The following CA10 variants were observed in gnomAD, a reference collection of about 807,000 sequenced individuals.
CA10 encodes the protein carbonic anhydrase-related protein 10.
CA10 carries 14 observed loss-of-function variants against 44.2 expected under a neutral mutation model. The observed-to-expected ratio is 0.32, with a 90% CI of 0.21 to 0.50. The LOEUF (loss-of-function observed/expected upper bound fraction) is 0.50, where lower values mean the gene tolerates loss of function less well. CA10 is among the 20% of genes least tolerant of loss of function. The pLI, the probability that CA10 is intolerant of heterozygous loss-of-function variation, is 0.99. For synonymous variants in CA10, 159 were observed against 141.6 expected (o/e 1.12, Z -0.87); for missense variants, 350 against 409.7 (o/e 0.85, Z 1.26).
At chr17:52,078,340 C>T (rs760637091) in intron 1 of CA10, among the ~76,000 whole-genome samples, 11 of 152,194 alleles carry the variant, frequency 7.2e-5, no homozygotes, top group Non-Finnish European at 1.5e-4. Flanking sequence ...CTTAATAAAA[C>T]TCCACCATCA....
At chr17:52,070,378 C>T (rs1184240870) in intron 2 of CA10, 2 of 152,110 alleles carry the variant, frequency 1.3e-5, no homozygotes, top group South Asian at 2.1e-4. Context: ...ACTGACTCAA[C>T]ATGCACCAGA....
intron 2 of CA10, among the ~76,000 whole-genome samples, chr17:52,035,850 G>A (rs1176635120): frequency 3.3e-5 from 5 of 152,256 alleles, no homozygotes; most frequent in African/African-American, 4.8e-5. Flanking sequence ...AAGGGGTCAG[G>A]GAAGTATCCT....
chr17:51,988,810 T>C (rs1406744119), intron 2 of CA10, among the ~76,000 whole-genome samples: 1 of 152,036 alleles, frequency 6.6e-6, no homozygotes, highest in Non-Finnish European at 1.5e-5. Flanking sequence ...TTTTCTAGTA[T>C]GCACATTGAA....
chr17:51,812,907 A>C (rs1017844090), intron 3 of CA10, among the ~76,000 whole-genome samples: 1 of 152,180 alleles, frequency 6.6e-6, no homozygotes, highest in Non-Finnish European at 1.5e-5. Flanking sequence ...CCATCTCCCA[A>C]ATAGCTCCCC....
chr17:52,098,488 C>A (rs1414869282), intron 1 of CA10, among the ~76,000 whole-genome samples: 1 of 152,154 alleles, frequency 6.6e-6, no homozygotes, highest in Non-Finnish European at 1.5e-5. Context: ...CCAACAATAA[C>A]GACCCAGCCC....
chr17:51,744,386 C>T (rs544645597), intron 4 of CA10, among the ~76,000 whole-genome samples: 3 of 152,088 alleles, frequency 2.0e-5, no homozygotes, highest in Admixed American at 1.3e-4. Flanking sequence ...GACAGTTTCC[C>T]CTGCTCATTC....
intron 1 of CA10, among the ~76,000 whole-genome samples, chr17:52,126,496 G>A (rs987117902): frequency 6.6e-6 from 1 of 152,156 alleles, no homozygotes; most frequent in East Asian, 1.9e-4. Flanking sequence ...CTGCATGGTT[G>A]GAAAAGTCAT....
At chr17:52,091,165 A>G (rs1988255536) in intron 1 of CA10, among the ~76,000 whole-genome samples, 1 of 152,202 alleles carries the variant, frequency 6.6e-6, no homozygotes, top group African/African-American at 2.4e-5. Context: ...AGGAAAAAAT[A>G]TCTGGAAGGA....
At chr17:51,945,665 T>G (rs1323494109) in intron 2 of CA10, among the ~76,000 whole-genome samples, 1 of 152,124 alleles carries the variant, frequency 6.6e-6, no homozygotes, top group East Asian at 1.9e-4. Context: ...AACCACTTAG[T>G]AGAGCTAGCC....
At chr17:51,902,191 T>C (rs1032874294) in intron 3 of CA10, among the ~76,000 whole-genome samples, 1 of 152,202 alleles carries the variant, frequency 6.6e-6, no homozygotes, top group Non-Finnish European at 1.5e-5. Flanking sequence ...AAAGGATCTT[T>C]TGGGGCCTCG....
At chr17:51,900,112 G>A (rs57664077) in intron 3 of CA10, among the ~76,000 whole-genome samples, 8 of 151,924 alleles carry the variant, frequency 5.3e-5, no homozygotes, top group East Asian at 1.9e-4. Flanking sequence ...ATTGTATAGT[G>A]GCTTTATAGT....
intron 3 of CA10, among the ~76,000 whole-genome samples, chr17:51,784,839 C>G (rs940579285): frequency 6.6e-6 from 1 of 152,102 alleles, no homozygotes; most frequent in Non-Finnish European, 1.5e-5. Context: ...CTATGGTCAC[C>G]CTGTTGTGCT....
chr17:51,951,872 G>C (rs141307947), intron 2 of CA10, among the ~76,000 whole-genome samples: 9 of 152,252 alleles, frequency 5.9e-5, no homozygotes, highest in Non-Finnish European at 1.0e-4. Flanking sequence ...CTGTATCCAG[G>C]AGGAAACATT....
At chr17:52,116,880 T>C (rs1269180759) in intron 1 of CA10, among the ~76,000 whole-genome samples, 1 of 152,184 alleles carries the variant, frequency 6.6e-6, no homozygotes. Flanking sequence ...AAAGGATATA[T>C]GAGGTTGGTC....
At chr17:51,690,896 G>T (rs1439232422) in intron 4 of CA10, among the ~76,000 whole-genome samples, 1 of 150,164 alleles carries the variant, frequency 6.7e-6, no homozygotes, top group African/African-American at 2.5e-5. Flanking sequence ...TGTCTCAAAT[G>T]ACAGAATTTC....
chr17:52,041,042 T>C (rs1986754386), intron 2 of CA10, among the ~76,000 whole-genome samples: 1 of 152,076 alleles, frequency 6.6e-6, no homozygotes, highest in Non-Finnish European at 1.5e-5. Flanking sequence ...GGCATGGTCT[T>C]GGTAGAGGAG....
chr17:52,124,700 C>T (rs1308173926), intron 1 of CA10, among the ~76,000 whole-genome samples: 1 of 152,212 alleles, frequency 6.6e-6, no homozygotes, highest in Non-Finnish European at 1.5e-5. Flanking sequence ...ACCTTCATGC[C>T]TCTAAGCCTT....
At chr17:51,714,837 G>A (rs935330269) in intron 4 of CA10, among the ~76,000 whole-genome samples, 7 of 152,150 alleles carry the variant, frequency 4.6e-5, no homozygotes, top group African/African-American at 1.4e-4. Flanking sequence ...TGGAAATTAC[G>A]GCTCTTCCTT....
At chr17:51,825,913 C>T (rs1049670227) in intron 3 of CA10, among the ~76,000 whole-genome samples, 16 of 152,218 alleles carry the variant, frequency 1.1e-4, no homozygotes, top group Admixed American at 7.2e-4. Context: ...TTAGCATGCC[C>T]ATATGCCCAT....
Sources: allele counts gnomAD v4.1 joint callset (sites outside exome capture counted in the v4.1 genomes callset), GRCh38; gene constraint gnomAD v4.1.1; transcripts MANE v1.5; gene names NCBI Gene and HGNC (gene_info 2026-07-23, HGNC 2026-07-21).